The following INTS9 variants were observed in gnomAD, a reference collection of about 807,000 sequenced individuals.
The protein encoded by INTS9 is protein related to CPSF subunits of 74 kDa.
Under a neutral mutation model 79.7 loss-of-function variants are expected in INTS9, and 55 were observed. The ratio of observed to expected loss-of-function variants is 0.69; its 90% CI spans 0.56 to 0.86. The LOEUF (loss-of-function observed/expected upper bound fraction) is 0.86. INTS9 is among the 40% of genes least tolerant of loss of function. The probability of loss-of-function intolerance (pLI) is 0.00; values close to 1 mark genes in which losing one functional copy is unlikely to be tolerated. For synonymous variants in INTS9, 319 were observed against 325.2 expected (o/e 0.98, Z 0.20); for missense variants, 721 against 831.5 (o/e 0.87, Z 1.64).
At chr8:28,882,495 A>T (rs1434735432) in intron 1 of INTS9, among the ~76,000 whole-genome samples, 3 of 132,802 alleles carry the variant, frequency 2.3e-5, no homozygotes, top group Non-Finnish European at 4.6e-5. Context: ...AAAATAAAAT[A>T]AAAAAAAAAG....
At chr8:28,837,521 G>T in intron 5 of INTS9, 116 bp downstream of exon 5, 1 of 1,118,264 alleles carries the variant, frequency 8.9e-7, no homozygotes, top group Non-Finnish European at 1.2e-6. Flanking sequence ...CTGTTCTTTG[G>T]GTTAGTTGTT....
intron 8 of INTS9, among the ~76,000 whole-genome samples, chr8:28,800,067 CACTCCAAACTGAA>C (rs1804436013): frequency 5.3e-5 from 8 of 152,232 alleles, no homozygotes; most frequent in Non-Finnish European, 1.0e-4. Flanking sequence ...CAGCACTGAT[CACTCCAAACTGAA>C]AGTACTATTT....
chr8:28,867,779 G>C (rs1808844769), intron 1 of INTS9, among the ~76,000 whole-genome samples: 1 of 150,464 alleles, frequency 6.6e-6, no homozygotes, highest in African/African-American at 2.5e-5. Flanking sequence ...CTTTTCTCTA[G>C]TCTTGTTTAA....
chr8:28,874,837 T>C (rs186003786), intron 1 of INTS9, among the ~76,000 whole-genome samples: 3 of 152,338 alleles, frequency 2.0e-5, no homozygotes, highest in African/African-American at 7.2e-5. Flanking sequence ...GAAACTAATT[T>C]CATGAGTAGC....
At chr8:28,868,606 G>A (rs1386875263) in intron 1 of INTS9, among the ~76,000 whole-genome samples, 3 of 152,278 alleles carry the variant, frequency 2.0e-5, no homozygotes, top group Non-Finnish European at 4.4e-5. Flanking sequence ...CTGATACATT[G>A]ATGTTAGCCT....
rs746827957 is a variant in INTS9, at chr8:28,793,896, G to A, written c.948C>T (p.Ile316=). ...YDLLECLYQY[I]DSAGLSSVPL... The stretch of plus-strand genomic sequence containing the variant: ...GGACGCTGGAAAGCCCGGCTGAGTC[G>A]ATGTACTGATATAGGCACTCCAGGA... Residue 316 remains isoleucine, a synonymous_variant, in exon 10 of 17, where the codon ATC becomes ATT. Coordinates refer to ENST00000521022, the MANE Select transcript of INTS9 (RefSeq NM_018250.4). 6.0e-5 allele frequency: 97 copies of A among 1,613,886 alleles called. 1 individual carries two copies. In the Admixed American group the frequency reaches 1.6e-3, roughly 26 times the overall value.
chr8:28,817,901 T>A (rs1462577932), intron 6 of INTS9, among the ~76,000 whole-genome samples: 7 of 151,476 alleles, frequency 4.6e-5, no homozygotes, highest in Non-Finnish European at 1.5e-5. Context: ...CTAGGTATTT[T>A]ATTCTCTTTG....
At chr8:28,778,694 C>T (rs1227872558) in intron 12 of INTS9, among the ~76,000 whole-genome samples, 7 of 152,184 alleles carry the variant, frequency 4.6e-5, no homozygotes, top group Admixed American at 4.6e-4. Flanking sequence ...CTGCCTTGAG[C>T]CAAAAGACCT....
intron 6 of INTS9, 107 bp from the exon 7 acceptor site, chr8:28,813,719 C>T (rs781241690): frequency 1.2e-4 from 148 of 1,213,518 alleles, no homozygotes; most frequent in Non-Finnish European, 1.7e-4. Flanking sequence ...AATTTACTGG[C>T]ATATAATTGT....
chr8:28,887,060 A>G (rs1044059133), intron 1 of INTS9, among the ~76,000 whole-genome samples: 1 of 152,254 alleles, frequency 6.6e-6, no homozygotes, highest in Non-Finnish European at 1.5e-5. Flanking sequence ...GACACACGCC[A>G]ATAATTACAA....
intron 12 of INTS9, among the ~76,000 whole-genome samples, chr8:28,779,959 G>A (rs965187771): frequency 2.0e-5 from 3 of 152,072 alleles, no homozygotes; most frequent in Admixed American, 1.3e-4. Flanking sequence ...ACCCACAGAG[G>A]TAGCTACTGA....
intron 12 of INTS9, 74 bp downstream of exon 12, chr8:28,780,749 C>T: frequency 1.9e-6 from 3 of 1,564,528 alleles, no homozygotes; most frequent in Non-Finnish European, 2.6e-6. Flanking sequence ...TTCCCTGGGT[C>T]TCTACCTTGT....
At chr8:28,843,888 G>A (rs1807341008) in intron 4 of INTS9, among the ~76,000 whole-genome samples, 2 of 151,990 alleles carry the variant, frequency 1.3e-5, no homozygotes, top group Admixed American at 1.3e-4. Context: ...TTTGCTTCTT[G>A]GGAGCACTTC....
At chr8:28,879,302 A>C (rs1447864349) in intron 1 of INTS9, among the ~76,000 whole-genome samples, 1 of 151,876 alleles carries the variant, frequency 6.6e-6, no homozygotes, top group Non-Finnish European at 1.5e-5. Flanking sequence ...TAATATATTA[A>C]TATAAAGACA....
chr8:28,786,739 A>G (rs1414708565), intron 11 of INTS9, among the ~76,000 whole-genome samples: 1 of 151,802 alleles, frequency 6.6e-6, no homozygotes, highest in African/African-American at 2.4e-5. Flanking sequence ...TTTTTTTGAG[A>G]CGGAGTCTCA....
chr8:28,885,637 C>T (rs1352192177), intron 1 of INTS9, among the ~76,000 whole-genome samples: 5 of 152,156 alleles, frequency 3.3e-5, no homozygotes, highest in Admixed American at 2.0e-4. Flanking sequence ...ATTTTATTCG[C>T]TTGACTCTTC....
intron 2 of INTS9, among the ~76,000 whole-genome samples, chr8:28,854,690 G>A (rs1808044763): frequency 6.6e-6 from 1 of 152,090 alleles, no homozygotes; most frequent in South Asian, 2.1e-4. Flanking sequence ...TCCTCCTGAG[G>A]AAGCAGGCAA....
At chr8:28,847,665 G>A (rs1367943225) in intron 3 of INTS9, among the ~76,000 whole-genome samples, 1 of 152,196 alleles carries the variant, frequency 6.6e-6, no homozygotes, top group Non-Finnish European at 1.5e-5. Flanking sequence ...CCCCACCCAT[G>A]ACTCACCAAA....
At chr8:28,818,611 CTCT>C (rs1805641882) in intron 6 of INTS9, among the ~76,000 whole-genome samples, 1 of 150,336 alleles carries the variant, frequency 6.7e-6, no homozygotes. Flanking sequence ...GTCTAAAATT[CTCT>C]TTTTTGGTTG....
Sources: gnomAD v4.1 joint callset for allele counts (sites outside exome capture counted in the v4.1 genomes callset) on GRCh38, gnomAD v4.1.1 for gene constraint, MANE v1.5 for transcripts, NCBI Gene and HGNC (gene_info 2026-07-23, HGNC 2026-07-21) for gene names.